CDH13: variants seen among roughly 807,000 people sequenced by gnomAD.
The protein encoded by CDH13 is cadherin 13.
Under a neutral mutation model 63.8 loss-of-function variants are expected in CDH13, and 24 were observed. The observed-to-expected ratio is 0.38, with a 90% CI of 0.27 to 0.53. The LOEUF (loss-of-function observed/expected upper bound fraction) is 0.53, where lower values mean the gene tolerates loss of function less well. CDH13 is among the 20% of genes least tolerant of loss of function. The pLI is 0.85. For synonymous variants in CDH13, 503 were observed against 355.3 expected (o/e 1.42, Z -4.67); for missense variants, 1,049 against 903.1 (o/e 1.16, Z -2.07).
At chr16:83,002,622 A>T (rs977403176) in intron 2 of CDH13, among the ~76,000 whole-genome samples, 4 of 152,222 alleles carry the variant, frequency 2.6e-5, no homozygotes, top group Admixed American at 6.5e-5. Context: ...AATGTATTCA[A>T]TGTTGGGTTG....
intron 3 of CDH13, among the ~76,000 whole-genome samples, chr16:83,060,447 C>A (rs543858702): frequency 6.6e-6 from 1 of 152,182 alleles, no homozygotes; most frequent in Admixed American, 6.5e-5. Flanking sequence ...ACTGTAGAGT[C>A]TTCCTGATGT....
intron 10 of CDH13, among the ~76,000 whole-genome samples, chr16:83,690,793 C>G (rs1017336432): frequency 6.6e-6 from 1 of 152,112 alleles, no homozygotes; most frequent in Non-Finnish European, 1.5e-5. Context: ...ACGATTTTGG[C>G]TCACTGCTAC....
chr16:83,565,003 A>G (rs1230474338), intron 7 of CDH13, among the ~76,000 whole-genome samples: 1 of 151,936 alleles, frequency 6.6e-6, no homozygotes, highest in Non-Finnish European at 1.5e-5. Flanking sequence ...ACCAAACAGG[A>G]CCCCCATGGC....
chr16:83,423,084 C>T, intron 6 of CDH13, among the ~76,000 whole-genome samples: 1 of 152,148 alleles, frequency 6.6e-6, no homozygotes, highest in Non-Finnish European at 1.5e-5. Context: ...TTACATGTAA[C>T]AGCAAACTCA....
At chr16:83,674,082 C>G (rs1047280378) in intron 9 of CDH13, among the ~76,000 whole-genome samples, 13 of 152,226 alleles carry the variant, frequency 8.5e-5, no homozygotes, top group Non-Finnish European at 1.5e-4. Context: ...GCCAGCTAGG[C>G]CATGCTCTCT....
chr16:83,297,369 G>A (rs143547943), intron 5 of CDH13, among the ~76,000 whole-genome samples: 18 of 152,126 alleles, frequency 1.2e-4, no homozygotes, highest in African/African-American at 2.4e-4. Flanking sequence ...ATAATTGTAC[G>A]TCAATTATTA....
chr16:83,082,472 A>C (rs1476505578), intron 3 of CDH13, among the ~76,000 whole-genome samples: 2 of 151,940 alleles, frequency 1.3e-5, no homozygotes. Context: ...TAAAAATAAA[A>C]ATAAAAAAAA....
chr16:82,683,236 G>T (rs1482182129), intron 1 of CDH13, among the ~76,000 whole-genome samples: 1 of 152,152 alleles, frequency 6.6e-6, no homozygotes, highest in Non-Finnish European at 1.5e-5. Flanking sequence ...TGGGTTACCT[G>T]TTTGCCCCTT....
intron 2 of CDH13, among the ~76,000 whole-genome samples, chr16:82,871,051 A>G (rs2040327238): frequency 6.6e-6 from 1 of 152,240 alleles, no homozygotes; most frequent in East Asian, 1.9e-4. Flanking sequence ...TCCATAGAAG[A>G]CAAAACCATC....
At position 83,590,985 on chromosome 16, in the gene CDH13, A is replaced by G. The variant is rs142457726; in HGVS notation, c.961-11469A>G. ...GAGTGCAGTGGCGTGATCTTAGCAC[A>G]CCGCAATCTCCACCTTCTGGTTTCA... On this transcript the variant is annotated intron_variant, in intron 7 of 13. Coordinates refer to ENST00000567109, the MANE Select transcript of CDH13 (RefSeq NM_001257.5). 1.3e-3 allele frequency among the ~76,000 whole-genome samples: 190 copies of G among 141,226 alleles called. 2 individuals are homozygous for G. Among genetic ancestry groups the G allele is most frequent in the Non-Finnish European group, 2.0e-3 (136 of 66,872 alleles). 92.6% of individuals were successfully genotyped at this position (141,226 alleles called of 152,430 possible).
intron 5 of CDH13, among the ~76,000 whole-genome samples, chr16:83,256,350 A>T (rs1330654640): frequency 6.6e-6 from 1 of 152,120 alleles, no homozygotes; most frequent in East Asian, 1.9e-4. Flanking sequence ...GATTTTTTAA[A>T]AATAAGTAAA....
intron 8 of CDH13, among the ~76,000 whole-genome samples, chr16:83,631,396 A>G (rs1910769755): frequency 6.6e-6 from 1 of 152,182 alleles, no homozygotes; most frequent in South Asian, 2.1e-4. Flanking sequence ...TGCTTGGAGA[A>G]GAAACATCAT....
At chr16:83,777,841 T>C (rs755084283) in intron 11 of CDH13, among the ~76,000 whole-genome samples, 1 of 152,176 alleles carries the variant, frequency 6.6e-6, no homozygotes, top group Non-Finnish European at 1.5e-5. Context: ...AATAAAATTA[T>C]ACTTGGAAAT....
chr16:83,301,260 T>C (rs2089735372), intron 5 of CDH13, among the ~76,000 whole-genome samples: 1 of 151,992 alleles, frequency 6.6e-6, no homozygotes. Context: ...CTCGATCTCC[T>C]GACCTCATGA....
chr16:82,751,868 G>A (rs942570926), intron 1 of CDH13, among the ~76,000 whole-genome samples: 2 of 152,050 alleles, frequency 1.3e-5, no homozygotes, highest in African/African-American at 2.4e-5. Flanking sequence ...TCCTCCCGCA[G>A]GTGAGTATAA....
At chr16:83,489,823 G>A (rs2073969670) in intron 7 of CDH13, among the ~76,000 whole-genome samples, 1 of 152,116 alleles carries the variant, frequency 6.6e-6, no homozygotes, top group Admixed American at 6.6e-5. Context: ...ACAGACTTTT[G>A]CAGCATTCAT....
intron 2 of CDH13, among the ~76,000 whole-genome samples, chr16:82,919,328 A>G (rs1333456813): frequency 1.3e-5 from 2 of 152,140 alleles, no homozygotes; most frequent in Non-Finnish European, 2.9e-5. Flanking sequence ...CTAGTATCCA[A>G]TAGTTATTTT....
intron 6 of CDH13, among the ~76,000 whole-genome samples, chr16:83,419,680 A>G (rs1036406119): frequency 1.3e-5 from 2 of 152,230 alleles, no homozygotes; most frequent in African/African-American, 4.8e-5. Flanking sequence ...CCGCAGTATT[A>G]TATAAAGTGA....
intron 7 of CDH13, among the ~76,000 whole-genome samples, chr16:83,509,193 G>C (rs2074496909): frequency 6.6e-6 from 1 of 152,190 alleles, no homozygotes; most frequent in Admixed American, 6.5e-5. Flanking sequence ...TGCCCACCTT[G>C]ATGGTATTCA....
Sources: gnomAD v4.1 joint callset for allele counts (sites outside exome capture counted in the v4.1 genomes callset) on GRCh38, gnomAD v4.1.1 for gene constraint, MANE v1.5 for transcripts, NCBI Gene and HGNC (gene_info 2026-07-23, HGNC 2026-07-21) for gene names.